The following TRIM7 variants were observed in gnomAD, a reference collection of about 807,000 sequenced individuals.
TRIM7 encodes the protein E3 ubiquitin-protein ligase TRIM7.
A neutral mutation model predicts 37.9 loss-of-function variants in TRIM7; 32 were observed. That is an observed-to-expected ratio of 0.84 (90% CI 0.64 to 1.13). The LOEUF (loss-of-function observed/expected upper bound fraction) is 1.13, where lower values mean the gene tolerates loss of function less well. TRIM7 is among the 50% of genes most tolerant of loss of function. The pLI is 0.00. For missense variants in TRIM7, 732 were observed against 714.0 expected (o/e 1.03, Z -0.29); for synonymous variants, 351 against 321.3 (o/e 1.09, Z -0.99).
In TRIM7 at chr5:181,195,002, G is replaced by T; in HGVS notation, c.*164C>A. 1.2e-6 allele frequency: 1 copy of T among 841,476 alleles called. No individual in the cohort carries two copies. The highest frequency in any genetic ancestry group is 1.8e-6 in the Non-Finnish European group (1 of 554,300). 52.1% of individuals were successfully genotyped at this position (841,476 alleles called of 1,614,324 possible). A position where few individuals can be genotyped will look rare whatever the true frequency, so the allele number is the denominator to read the frequency against. ...AAGCCCCTGTTCCCCTGCTCGGTTG[G>T]CCACAGTCACTCTCCTGCCTCGGGG... is the stretch of plus-strand genomic sequence containing the variant. On this transcript the variant is annotated 3_prime_UTR_variant, in exon 7 of 7. Transcript: ENST00000274773.
Position 181,204,952 on chromosome 5 carries a change from T to G in TRIM7, c.159A>C (p.Ile53=). ...ECGHSFCRAC[I]GRCWERPGAG... ...CGCCCGGGCGCTCCCAGCAGCGCCCTATGCAGGCGCGGCAGAAGCTGTGGC... is the reference window on the plus strand; with the variant it reads ...CGCCCGGGCGCTCCCAGCAGCGCCCGATGCAGGCGCGGCAGAAGCTGTGGC... The change falls in exon 1 of 7, where the codon ATA becomes ATC. Residue 53 remains isoleucine (I), a synonymous_variant. Coordinates refer to ENST00000274773, the MANE Select transcript of TRIM7 (RefSeq NM_203293.3). 1 of 1,461,698 alleles carries G rather than the reference T, an allele frequency of 6.8e-7. No individual in the cohort carries two copies. The highest frequency in any genetic ancestry group is 9.0e-7 in the Non-Finnish European group (1 of 1,115,020). The allele number at this position is 1,461,698 out of a possible 1,614,324, so 90.5% of individuals were successfully genotyped here. A position where few individuals can be genotyped will look rare whatever the true frequency, so the allele number is the denominator to read the frequency against.
At position 181,195,266 on chromosome 5, in the gene TRIM7, T is replaced by A. The variant is rs1453746718; in HGVS notation, c.1436A>T (p.Asp479Val). 6.2e-7 allele frequency: 1 copy of A among 1,610,828 alleles called. No individual in the cohort carries two copies. The highest frequency in any genetic ancestry group is 8.5e-7 in the Non-Finnish European group (1 of 1,178,784). ...VGAVSFYAVE[D>V]MRHLYTFRVN... is the part of the protein sequence containing the mutation. ...GCGGAAGGTGTAGAGGTGGCGCATGTCCTCCACAGCGTAGAAGGACACGGC... is the reference window on the plus strand; with the variant it reads ...GCGGAAGGTGTAGAGGTGGCGCATGACCTCCACAGCGTAGAAGGACACGGC... The change falls in exon 7 of 7, where the codon GAC (aspartate) becomes GTC (valine). Residue 479 changes from aspartate (D) to valine (V), a missense_variant. By Grantham distance (152) the Asp-to-Val change is radical (BLOSUM62 -3). Coordinates refer to ENST00000274773, the MANE Select transcript of TRIM7 (RefSeq NM_203293.3).
chr5:181,198,737 A>G lies in TRIM7; in HGVS notation c.941T>C (p.Val314Ala). The change falls in exon 5 of 7, where the codon GTT (valine) becomes GCT (alanine). Residue 314 changes from valine (V) to alanine (A), a missense_variant. Transcript: ENST00000274773. ...SSEMKNKVWN[V>A]SLKTFVLKGM... ...TTTTAAGACAAAGGTCTTGAGAGAA[A>G]CATTCCAGACTTTATTCTTCATCTC... 1.2e-6 allele frequency: 2 copies of G among 1,614,134 alleles called. No homozygotes were observed. The highest frequency in any genetic ancestry group is 1.7e-6 in the Non-Finnish European group (2 of 1,180,012).
At position 181,205,027 on chromosome 5, in the gene TRIM7, C is replaced by T. The variant is rs1366309166; in HGVS notation, c.84G>A (p.Thr28=). Residue 28 remains threonine, a synonymous_variant, in exon 1 of 7, where the codon ACG becomes ACA. Coordinates refer to ENST00000274773, the MANE Select transcript of TRIM7 (RefSeq NM_203293.3). ...ALAAELQGEA[T]CSICLELFRE... is the part of the protein sequence containing the mutation. ...GAAAGAGCTCTAGGCAGATGGAGCACGTCGCCTCGCCCTGCAGCTCTGCCG... is the reference window on the plus strand; with the variant it reads ...GAAAGAGCTCTAGGCAGATGGAGCATGTCGCCTCGCCCTGCAGCTCTGCCG... 36 of 1,452,484 alleles carry T rather than the reference C, an allele frequency of 2.5e-5. No homozygotes were observed. Among genetic ancestry groups the T allele is most frequent in the Non-Finnish European group, 3.2e-5 (35 of 1,109,474 alleles). 90.0% of individuals were successfully genotyped at this position (1,452,484 alleles called of 1,614,324 possible).
intron 5 of TRIM7, 55 bp from the exon 6 acceptor site, chr5:181,198,273 C>T: frequency 6.4e-7 from 1 of 1,568,216 alleles, no homozygotes; most frequent in Non-Finnish European, 8.8e-7. Context: ...GATTATATGG[C>T]AAGGTCACCA....
At chr5:181,202,106 A>G in intron 2 of TRIM7, 1 of 151,620 alleles carries the variant, frequency 6.6e-6, no homozygotes, top group Non-Finnish European at 1.5e-5. Flanking sequence ...CCTGACATTG[A>G]GGATGGGAGG....
chr5:181,194,367 A>C lies in TRIM7; in HGVS notation c.*799T>G, dbSNP rs1756972336. The C allele has an allele frequency of 6.6e-6, 1 of 152,356 alleles. No homozygotes were observed. Among genetic ancestry groups the C allele is most frequent in the South Asian group, 2.1e-4 (1 of 4,832 alleles). 9.4% of individuals were successfully genotyped at this position (152,356 alleles called of 1,614,324 possible). ...CAGCCTGGGCAACATAGCAAGACCC[A>C]GTCTCTTAAAAGAAAATTAAAAAGA... On this transcript the variant is annotated 3_prime_UTR_variant, in exon 7 of 7. Transcript: ENST00000274773.
Position 181,204,931 on chromosome 5 carries a change from C to T in TRIM7, c.180G>A (p.Pro60=), listed in dbSNP as rs1757733886. The part of the protein sequence containing the change: ...RACIGRCWER[P]GAGSVGAATR... ...TGGCGGCCCCAACAGACCCCGCGCC[C>T]GGGCGCTCCCAGCAGCGCCCTATGC... Residue 60 remains proline (P), a synonymous_variant, in exon 1 of 7, where the codon CCG becomes CCA. Transcript: ENST00000274773. 4 of 1,409,298 alleles carry T rather than the reference C, an allele frequency of 2.8e-6. No homozygotes were observed. Among genetic ancestry groups the T allele is most frequent in the South Asian group, 1.5e-5 (1 of 66,174 alleles). 87.3% of individuals were successfully genotyped at this position (1,409,298 alleles called of 1,614,324 possible).
Position 181,199,459 on chromosome 5 carries a change from C to T in TRIM7, c.850-342G>A, listed in dbSNP as rs559081665. The stretch of plus-strand genomic sequence containing the variant: ...CCTGAGGGAGGTCACAGCCCTTATG[C>T]ACCTACTGCTCACTCAGCCCCATAA... On this transcript the variant is annotated intron_variant, in intron 3 of 6. Transcript: ENST00000274773. 2.8e-5 allele frequency: 14 copies of T among 493,644 alleles called. No homozygotes were observed. In the East Asian group the frequency reaches 4.1e-4, roughly 15 times the overall value. The allele number at this position is 493,644 out of a possible 1,614,324, so 30.6% of individuals were successfully genotyped here.
At chr5:181,199,767 C>T in intron 3 of TRIM7, 84 bp downstream of exon 3, 3 of 1,474,312 alleles carry the variant, frequency 2.0e-6, no homozygotes, top group Non-Finnish European at 2.7e-6. Flanking sequence ...TCTCCTAGAC[C>T]CCCCAGGACT....
At chr5:181,196,778 A>AT (rs1333326759) in intron 6 of TRIM7, 1 of 152,250 alleles carries the variant, frequency 6.6e-6, no homozygotes, top group Non-Finnish European at 1.5e-5. Context: ...GTGGCCACTA[A>AT]TTGATCACTG....
In TRIM7 at chr5:181,204,571, G is replaced by A. The variant is rs1757704055; in HGVS notation, c.522+18C>T. 5.8e-6 allele frequency: 8 copies of A among 1,374,348 alleles called. No homozygotes were observed. The highest frequency in any genetic ancestry group is 7.5e-6 in the Non-Finnish European group (8 of 1,068,736). 85.1% of individuals were successfully genotyped at this position (1,374,348 alleles called of 1,614,324 possible). On this transcript the variant is annotated intron_variant, in intron 1 of 6. Coordinates refer to ENST00000274773, the MANE Select transcript of TRIM7 (RefSeq NM_203293.3). Reference sequence around the variant, plus strand: ...GGGGGTCCCGGGGACCCACGGGGTGGGTGGGGGCTGCGCTCACCTTGGCCT... The same window carrying A: ...GGGGGTCCCGGGGACCCACGGGGTGAGTGGGGGCTGCGCTCACCTTGGCCT...
intron 6 of TRIM7, chr5:181,196,947 C>T (rs767296854): frequency 6.6e-6 from 1 of 151,998 alleles, no homozygotes; most frequent in Non-Finnish European, 1.5e-5. Context: ...CAGCTTGAGC[C>T]CAGGTGTTGG....
chr5:181,203,732 A>G (rs1757651016), intron 1 of TRIM7, 92 bp from the exon 2 acceptor site: 1 of 1,521,824 alleles, frequency 6.6e-7, no homozygotes, highest in Non-Finnish European at 8.8e-7. Context: ...GAGAAAGGGA[A>G]GGCCCTGCTC....
chr5:181,205,053 C>T lies in TRIM7; in HGVS notation c.58G>A (p.Ala20Thr). 1 of 1,404,962 alleles carries T rather than the reference C, an allele frequency of 7.1e-7. No individual in the cohort carries two copies. The highest frequency in any genetic ancestry group is 1.5e-5 in the South Asian group (1 of 66,522). The allele number at this position is 1,404,962 out of a possible 1,614,324, so 87.0% of individuals were successfully genotyped here. A position where few individuals can be genotyped will look rare whatever the true frequency, so the allele number is the denominator to read the frequency against. ...PGTGAEALAL[A>T]AELQGEATCS... ...GTCGCCTCGCCCTGCAGCTCTGCCG[C>T]CAGCGCTAGAGCCTCGGCGCCGGTT... is the stretch of plus-strand genomic sequence containing the variant. Residue 20 changes from alanine to threonine, a missense_variant, in exon 1 of 7, where the codon GCG becomes ACG. By Grantham distance (58) the Ala-to-Thr change is moderately conservative. Coordinates refer to ENST00000274773, the MANE Select transcript of TRIM7 (RefSeq NM_203293.3).
In TRIM7 at chr5:181,203,568, T is replaced by C. The variant is rs1016938711; in HGVS notation, c.595A>G (p.Lys199Glu). 20 of 1,614,158 alleles carry C rather than the reference T, an allele frequency of 1.2e-5. No homozygotes were observed. The highest frequency in any genetic ancestry group is 1.7e-5 in the Non-Finnish European group (20 of 1,180,024). The change falls in exon 2 of 7, where the codon AAG becomes GAG. Residue 199 changes from lysine to glutamate, a missense_variant. By Grantham distance (56) the Lys-to-Glu change is moderately conservative. Coordinates refer to ENST00000274773, the MANE Select transcript of TRIM7 (RefSeq NM_203293.3). ...ACCAGCAGCTCCTTGCTCTCCTTCT[T>C]TTCCGTGGACCGGAACACCTCACAG... ...EDCEVFRSTE[K>E]KESKELLKQM...
At chr5:181,200,126 A>G (rs1582231727) in intron 2 of TRIM7, 45 bp from the exon 3 acceptor site, 1 of 1,614,262 alleles carries the variant, frequency 6.2e-7, no homozygotes, top group Non-Finnish European at 8.5e-7. Flanking sequence ...ACATGGAGAC[A>G]TAACATTTGG....
intron 3 of TRIM7, 80 bp downstream of exon 3, chr5:181,199,771 C>CA: frequency 1.3e-6 from 2 of 1,491,938 alleles, no homozygotes; most frequent in Non-Finnish European, 1.8e-6. Context: ...CTAGACCCCC[C>CA]AGGACTGACA....
intron 1 of TRIM7, chr5:181,204,257 CAG>C (rs1244390444): frequency 3.7e-6 from 4 of 1,078,548 alleles, no homozygotes; most frequent in Non-Finnish European, 4.5e-6. Context: ...TTCCCGCGGG[CAG>C]AGAGCTGCGG....
Sources: allele counts gnomAD v4.1 joint callset, GRCh38; gene constraint gnomAD v4.1.1; transcripts MANE v1.5; gene names NCBI Gene and HGNC (gene_info 2026-07-23, HGNC 2026-07-21).